Variants in CRB1 observed in about 807,000 individuals in gnomAD.
CRB1 encodes the protein crumbs cell polarity complex component 1, also known as protein crumbs homolog 1.
A neutral mutation model predicts 120.0 loss-of-function variants in CRB1; 83 were observed. That is an observed-to-expected ratio of 0.69 (90% confidence interval 0.58 to 0.83). The LOEUF (loss-of-function observed/expected upper bound fraction) is 0.83, where lower values mean the gene tolerates loss of function less well. Ranked by LOEUF, CRB1 falls within the 40% of genes least tolerant of loss-of-function variation. The pLI, the probability that CRB1 is intolerant of heterozygous loss-of-function variation, is 0.00. For synonymous variants in CRB1, 625 were observed against 612.5 expected, an observed-to-expected ratio of 1.02 and a Z score of -0.30; for missense variants, 1,699 against 1,687.6, an observed-to-expected ratio of 1.01 and a Z score of -0.12.
At chr1:197,252,582 A>ATGTGTGTGTGTGTGTG in the CRB1 span, among the ~76,000 whole-genome samples, 35 of 15,498 alleles carry the variant, frequency 2.3e-3, 1 homozygote, top group Admixed American at 4.6e-3. Flanking sequence ...ATATATATAT[A>ATGTGTGTGTGTGTGTG]TGTGTGTGTG....
At chr1:197,467,945 T>C (rs921312074) in intron 11 of CRB1, among the ~76,000 whole-genome samples, 10 of 152,192 alleles carry the variant, frequency 6.6e-5, no homozygotes, top group African/African-American at 2.2e-4. Context: ...GGTATCTAGA[T>C]GGGTTATATG....
chr1:197,226,278 T>C, the CRB1 span, among the ~76,000 whole-genome samples: 2 of 152,236 alleles, frequency 1.3e-5, no homozygotes, highest in African/African-American at 4.8e-5. Context: ...GTTATTAAGC[T>C]ACTAATATAT....
chr1:197,445,840 A>G (rs1665674038), intron 11 of CRB1, among the ~76,000 whole-genome samples: 1 of 152,216 alleles, frequency 6.6e-6, no homozygotes, highest in African/African-American at 2.4e-5. Context: ...GGTCCTGGGA[A>G]TAGAACTATG....
intron 1 of CRB1, among the ~76,000 whole-genome samples, chr1:197,285,461 A>G (rs1201265985): frequency 2.0e-5 from 3 of 151,928 alleles, no homozygotes; most frequent in Admixed American, 2.0e-4. Context: ...TCTCATTTTT[A>G]ACACATCAGT....
chr1:197,306,962 C>T (rs576079952), intron 1 of CRB1, among the ~76,000 whole-genome samples: 47 of 152,190 alleles, frequency 3.1e-4, no homozygotes, highest in African/African-American at 8.2e-4. Flanking sequence ...ATTTGTGTGG[C>T]CTGACCATTT....
chr1:197,348,353 T>C lies in CRB1; in HGVS notation c.988+874T>C, dbSNP rs1483937775. Among the ~76,000 whole-genome samples, 3 of 152,356 alleles carry C rather than the reference T, an allele frequency of 2.0e-5. 1 individual carries two copies. The highest frequency in any genetic ancestry group is 4.1e-4 in the South Asian group (2 of 4,824). On this transcript the variant is annotated intron_variant, in intron 4 of 11. Transcript: ENST00000367400. ...TGGAGGTAGAAGACAGTGATATTGA[T>C]AATCCTGACTCCATGTAGGCCTAGA...
intron 10 of CRB1, chr1:197,440,462 G>C (rs1003913647): frequency 6.6e-6 from 1 of 152,152 alleles, no homozygotes; most frequent in Admixed American, 6.6e-5. Context: ...CATTGAACCT[G>C]TGTTCAGTAG....
chr1:197,220,750 C>G, the CRB1 span, among the ~76,000 whole-genome samples: 5 of 152,004 alleles, frequency 3.3e-5, no homozygotes, highest in Non-Finnish European at 7.4e-5. Context: ...GGTGAATTTC[C>G]CCCTTGCTGT....
rs1303632948 is a variant in CRB1, at chr1:197,427,569, A to G, written c.2244A>G (p.Pro748=). The G allele has an allele frequency of 1.2e-6, 2 of 1,613,974 alleles. No individual in the cohort carries two copies. The highest frequency in any genetic ancestry group is 4.5e-5 in the East Asian group (2 of 44,870). Reference sequence around the variant, plus strand: ...CCATGTTTGTCCGAACGCTTCAACCATCAGGCTTACTTCTAGCTTTGGAAA... The same window carrying G: ...CCATGTTTGTCCGAACGCTTCAACCGTCAGGCTTACTTCTAGCTTTGGAAA... ...SLSMFVRTLQ[P]SGLLLALENS... is the part of the protein sequence containing the mutation. Residue 748 remains proline, a synonymous_variant, in exon 7 of 12, where the codon CCA becomes CCG. Coordinates refer to ENST00000367400, the MANE Select transcript of CRB1 (RefSeq NM_201253.3).
intron 1 of CRB1, among the ~76,000 whole-genome samples, chr1:197,313,555 T>C (rs1002856197): frequency 2.0e-5 from 3 of 152,204 alleles, no homozygotes; most frequent in African/African-American, 7.2e-5. Context: ...TGTATTCCTT[T>C]TATCAAATTG....
intron 1 of CRB1, among the ~76,000 whole-genome samples, chr1:197,319,319 T>C (rs1193427004): frequency 2.2e-5 from 3 of 137,984 alleles, no homozygotes; most frequent in African/African-American, 8.0e-5. Flanking sequence ...TCCCAGCTAC[T>C]TGGGAGGCTG....
chr1:197,422,473 G>A (rs549019967), intron 6 of CRB1, among the ~76,000 whole-genome samples: 5 of 149,638 alleles, frequency 3.3e-5, no homozygotes, highest in African/African-American at 4.9e-5. Flanking sequence ...TTTATAAAAC[G>A]CCAATTTTAT....
the CRB1 span, among the ~76,000 whole-genome samples, chr1:197,256,292 C>G: frequency 1.3e-4 from 20 of 151,614 alleles, no homozygotes; most frequent in Admixed American, 4.6e-4. Flanking sequence ...TGGTCTTGTT[C>G]TTTTAGATTT....
At chr1:197,273,937 G>A (rs1256690678) in intron 1 of CRB1, among the ~76,000 whole-genome samples, 1 of 152,028 alleles carries the variant, frequency 6.6e-6, no homozygotes, top group Non-Finnish European at 1.5e-5. Context: ...TGTGAGGTGT[G>A]CTTGTTGCTG....
At chr1:197,318,974 A>G in intron 1 of CRB1, among the ~76,000 whole-genome samples, 1 of 152,060 alleles carries the variant, frequency 6.6e-6, no homozygotes, top group East Asian at 1.9e-4. Flanking sequence ...TCCAAAGAGA[A>G]GTTTTTGAAC....
At chr1:197,338,179 G>A (rs1659261265) in intron 2 of CRB1, among the ~76,000 whole-genome samples, 1 of 151,896 alleles carries the variant, frequency 6.6e-6, no homozygotes, top group African/African-American at 2.4e-5. Flanking sequence ...TATATATTTT[G>A]CTATTTTCAT....
intron 5 of CRB1, among the ~76,000 whole-genome samples, chr1:197,361,054 C>T (rs536711936): frequency 6.6e-6 from 1 of 152,268 alleles, no homozygotes; most frequent in East Asian, 1.9e-4. Flanking sequence ...TGGTAGATTG[C>T]TCTGGTTCAT....
chr1:197,328,466 T>C lies in CRB1; in HGVS notation c.115T>C (p.Cys39Arg). The change falls in exon 2 of 12, where the codon TGC (cysteine) becomes CGC (arginine). Residue 39 changes from cysteine to arginine, a missense_variant. Cys to Arg is a radical substitution (Grantham distance 180). Transcript: ENST00000367400. ...KNNTRCLSNS[C>R]QNNSTCKDFS... ...CAACACCAGGTGCCTCTCAAATTCT[T>C]GCCAAAACAATTCTACATGCAAAGA... 2 of 1,614,222 alleles carry C rather than the reference T, an allele frequency of 1.2e-6. No individual in the cohort carries two copies. The highest frequency in any genetic ancestry group is 1.7e-6 in the Non-Finnish European group (2 of 1,180,030).
chr1:197,284,749 A>G (rs933983593), intron 1 of CRB1, among the ~76,000 whole-genome samples: 1 of 151,946 alleles, frequency 6.6e-6, no homozygotes, highest in South Asian at 2.1e-4. Flanking sequence ...AAAACTTCAC[A>G]GAATCATTGA....
Sources: allele counts gnomAD v4.1 joint callset (sites outside exome capture counted in the v4.1 genomes callset), GRCh38; gene constraint gnomAD v4.1.1; transcripts MANE v1.5; gene names NCBI Gene and HGNC (gene_info 2026-07-23, HGNC 2026-07-21).